Variants in ADGRL3 observed in about 807,000 individuals in gnomAD.
ADGRL3 encodes the protein calcium-independent alpha-latrotoxin receptor 3.
A neutral mutation model predicts 153.5 loss-of-function variants in ADGRL3; 62 were observed. The ratio of observed to expected loss-of-function variants is 0.40; its 90% CI spans 0.33 to 0.50. ADGRL3 has a LOEUF of 0.50. Ranked by LOEUF, ADGRL3 falls within the 20% of genes least tolerant of loss-of-function variation. The pLI is 0.47. For synonymous variants in ADGRL3, 710 were observed against 672.5 expected (o/e 1.06, Z -0.86); for missense variants, 1,641 against 1,859.4 (o/e 0.88, Z 2.16).
At chr4:61,546,028 C>T (rs1397607702) in intron 4 of ADGRL3, among the ~76,000 whole-genome samples, 4 of 152,212 alleles carry the variant, frequency 2.6e-5, no homozygotes, top group Admixed American at 6.5e-5. Context: ...TCATCATCCT[C>T]ATTCTTGTCT....
intron 2 of ADGRL3, among the ~76,000 whole-genome samples, chr4:61,469,089 G>A (rs2097916213): frequency 6.6e-6 from 1 of 151,876 alleles, no homozygotes. Flanking sequence ...GTTCCTATTG[G>A]GAAGCCCACT....
intron 8 of ADGRL3, among the ~76,000 whole-genome samples, chr4:61,810,118 G>T (rs563257826): frequency 6.6e-6 from 1 of 152,090 alleles, no homozygotes; most frequent in East Asian, 1.9e-4. Context: ...CTAGCGTTAT[G>T]GGGAAAAATG....
At chr4:62,016,825 C>T (rs1347844978) in intron 21 of ADGRL3, among the ~76,000 whole-genome samples, 1 of 151,916 alleles carries the variant, frequency 6.6e-6, no homozygotes, top group East Asian at 1.9e-4. Context: ...ATACACACGT[C>T]TATATCTTCT....
Position 61,669,243 on chromosome 4 carries a change from T to C in ADGRL3, c.474-7583T>C, listed in dbSNP as rs946897195. On this transcript the variant is annotated intron_variant, in intron 5 of 26. Coordinates refer to ENST00000683033, the MANE Select transcript of ADGRL3 (RefSeq NM_001387552.1). ...TTTATTTGAAATCTAGTTGATTCTC[T>C]TTATGACCTACATATTTGTTTTCTA... Among the ~76,000 whole-genome samples, 3 of 152,206 alleles carry C rather than the reference T, an allele frequency of 2.0e-5. No homozygotes were observed. In the East Asian group the frequency reaches 5.8e-4, roughly 29 times the overall value.
intron 1 of ADGRL3, among the ~76,000 whole-genome samples, chr4:61,322,592 G>A (rs181356979): frequency 1.3e-5 from 2 of 152,160 alleles, no homozygotes; most frequent in Non-Finnish European, 2.9e-5. Flanking sequence ...CAAAACAAAG[G>A]GGCTACAGGC....
chr4:61,419,994 G>A (rs541067589), intron 2 of ADGRL3, among the ~76,000 whole-genome samples: 26 of 151,830 alleles, frequency 1.7e-4, no homozygotes, highest in African/African-American at 5.8e-4. Flanking sequence ...TAGAGACGGA[G>A]TTTCACCATG....
In ADGRL3 at chr4:61,800,045, C is replaced by G. The variant is rs954884262; in HGVS notation, c.1400-13764C>G. On this transcript the variant is annotated intron_variant, in intron 8 of 26. Coordinates refer to ENST00000683033, the MANE Select transcript of ADGRL3 (RefSeq NM_001387552.1). ...CTAGAACCTGTCTTCAATGCCATGG[C>G]ACGACACTGCCTTACCATTGAACCT... is the stretch of plus-strand genomic sequence containing the variant. 3.9e-5 allele frequency among the ~76,000 whole-genome samples: 6 copies of G among 152,140 alleles called. No individual in the cohort carries two copies. In the East Asian group the frequency reaches 7.7e-4, roughly 20 times the overall value.
intron 21 of ADGRL3, among the ~76,000 whole-genome samples, chr4:62,000,296 A>G (rs1053853914): frequency 6.6e-6 from 1 of 151,442 alleles, no homozygotes; most frequent in South Asian, 2.1e-4. Flanking sequence ...TTTTTTGTCT[A>G]ATTCAACAAA....
At chr4:62,006,003 C>CACACACACACACACAT (rs1230956055) in intron 21 of ADGRL3, among the ~76,000 whole-genome samples, 2 of 48,990 alleles carry the variant, frequency 4.1e-5, no homozygotes, top group South Asian at 8.4e-4. Flanking sequence ...CACACACACA[C>CACACACACACACACAT]ATATATATAT....
intron 9 of ADGRL3, among the ~76,000 whole-genome samples, chr4:61,831,230 T>C (rs550416589): frequency 6.6e-6 from 1 of 151,944 alleles, no homozygotes; most frequent in Admixed American, 6.6e-5. Flanking sequence ...AGGGAGAATT[T>C]TGATTCTGAC....
At chr4:61,996,128 A>G (rs1036600329) in intron 19 of ADGRL3, among the ~76,000 whole-genome samples, 163 bp from the exon 20 acceptor site, 2 of 152,142 alleles carry the variant, frequency 1.3e-5, no homozygotes, top group Non-Finnish European at 2.9e-5. Flanking sequence ...GCTGTCAGAA[A>G]TTGGGCACAT....
intron 11 of ADGRL3, chr4:61,906,192 T>A (rs970834167): frequency 6.6e-6 from 1 of 151,790 alleles, no homozygotes. Flanking sequence ...TTTATTAGCA[T>A]ATATATGTAA....
intron 25 of ADGRL3, among the ~76,000 whole-genome samples, chr4:62,047,983 A>G (rs908655077): frequency 2.6e-5 from 4 of 152,172 alleles, no homozygotes; most frequent in African/African-American, 9.6e-5. Context: ...CCAAGTTTTT[A>G]CAAACTCATA....
At chr4:61,747,904 G>C (rs1398754762) in intron 8 of ADGRL3, among the ~76,000 whole-genome samples, 1 of 152,118 alleles carries the variant, frequency 6.6e-6, no homozygotes, top group African/African-American at 2.4e-5. Flanking sequence ...ATTAGGAAAA[G>C]AGGAAGTGAA....
At chr4:61,953,984 A>G (rs1022725826) in intron 17 of ADGRL3, among the ~76,000 whole-genome samples, 3 of 152,094 alleles carry the variant, frequency 2.0e-5, no homozygotes, top group Non-Finnish European at 2.9e-5. Context: ...GGTCCTGAGC[A>G]TAATCCTATA....
chr4:61,436,338 C>T (rs2097445055), intron 2 of ADGRL3, among the ~76,000 whole-genome samples: 1 of 152,142 alleles, frequency 6.6e-6, no homozygotes, highest in Admixed American at 6.5e-5. Flanking sequence ...AGCTTCTTAA[C>T]TTACATTTTG....
chr4:61,948,041 A>G, intron 16 of ADGRL3, 59 bp from the exon 17 acceptor site: 1 of 1,413,134 alleles, frequency 7.1e-7, no homozygotes, highest in Non-Finnish European at 9.7e-7. Context: ...GAAAATGCCA[A>G]CCTAATTTAC....
intron 2 of ADGRL3, among the ~76,000 whole-genome samples, chr4:61,443,908 G>A (rs913597243): frequency 6.6e-6 from 1 of 152,120 alleles, no homozygotes; most frequent in African/African-American, 2.4e-5. Context: ...TTCATTTTCA[G>A]TCGGTGTGAT....
At chr4:61,803,398 T>C (rs1189852656) in intron 8 of ADGRL3, among the ~76,000 whole-genome samples, 1 of 152,130 alleles carries the variant, frequency 6.6e-6, no homozygotes. Flanking sequence ...GGTAAACAGG[T>C]CTGATTTAAT....
Sources: gnomAD v4.1 joint callset for allele counts (sites outside exome capture counted in the v4.1 genomes callset) on GRCh38, gnomAD v4.1.1 for gene constraint, MANE v1.5 for transcripts, NCBI Gene and HGNC (gene_info 2026-07-23, HGNC 2026-07-21) for gene names.